The following GSPT1 variants were observed in gnomAD, a reference collection of about 807,000 sequenced individuals.
GSPT1 encodes G1 to S phase transition 1, also known as eukaryotic peptide chain release factor GTP-binding subunit ERF3A.
In GSPT1, 20 loss-of-function variants were observed where a neutral mutation model predicts 72.5. That is an observed-to-expected ratio of 0.28 (90% CI 0.19 to 0.40). The LOEUF (loss-of-function observed/expected upper bound fraction) is 0.40, where lower values mean the gene tolerates loss of function less well. Ranked by LOEUF, GSPT1 falls within the 10% of genes least tolerant of loss-of-function variation. The probability of loss-of-function intolerance (pLI) is 1.00; values close to 1 mark genes in which losing one functional copy is unlikely to be tolerated. For missense variants in GSPT1, 580 were observed against 811.9 expected (o/e 0.71, Z 3.47); for synonymous variants, 334 against 293.5 (o/e 1.14, Z -1.41).
Position 11,878,684 on chromosome 16 carries a change from C to CA in GSPT1, c.1429-1105dup, listed in dbSNP as rs147933306. Among the ~76,000 whole-genome samples the CA allele has an allele frequency of 7.5e-3, 1,138 of 151,936 alleles. 11 individuals are homozygous for CA. Among genetic ancestry groups the CA allele is most frequent in the Non-Finnish European group, 9.1e-3 (622 of 67,980 alleles). ...TGCCAGTATTGCTCCTCAGTACTGC[C>CA]AGTGCTGGCTGTGGCAGCAAGGTGA... is the stretch of plus-strand genomic sequence containing the variant. On this transcript the variant is annotated intron_variant, in intron 11 of 14. Transcript: ENST00000434724.
chr16:11,892,343 T>TA (rs966211880), intron 5 of GSPT1, among the ~76,000 whole-genome samples: 19 of 148,698 alleles, frequency 1.3e-4, no homozygotes, highest in Middle Eastern at 3.6e-3. Context: ...ACCCTGTCTC[T>TA]AAAAAAAACA....
intron 6 of GSPT1, among the ~76,000 whole-genome samples, chr16:11,889,584 C>G (rs1207921107): frequency 6.6e-6 from 1 of 150,388 alleles, no homozygotes; most frequent in Non-Finnish European, 1.5e-5. Flanking sequence ...CTCGGCTCAC[C>G]GCAACCTCCG....
rs1441145436 is a variant in GSPT1, at chr16:11,871,134, G to A, written c.*1985C>T. ...TATTTTCCAGAAAAATAAAAGCCCAGAGATTTGCAGACATAATAAAATCTA... is the reference window on the plus strand; with the variant it reads ...TATTTTCCAGAAAAATAAAAGCCCAAAGATTTGCAGACATAATAAAATCTA... On this transcript the variant is annotated 3_prime_UTR_variant, in exon 15 of 15. Transcript: ENST00000434724. 6.6e-6 allele frequency: 1 copy of A among 152,062 alleles called. No individual in the cohort carries two copies. The highest frequency in any genetic ancestry group is 1.5e-5 in the Non-Finnish European group (1 of 68,014). The allele number at this position is 152,062 out of a possible 1,614,324, so 9.4% of individuals were successfully genotyped here.
chr16:11,910,355 C>G (rs936759509), intron 1 of GSPT1, among the ~76,000 whole-genome samples: 1 of 152,224 alleles, frequency 6.6e-6, no homozygotes, highest in African/African-American at 2.4e-5. Flanking sequence ...GTGACTTCCA[C>G]TAGAGTACAC....
At chr16:11,876,495 C>T (rs942766882) in intron 12 of GSPT1, among the ~76,000 whole-genome samples, 8 of 152,038 alleles carry the variant, frequency 5.3e-5, no homozygotes, top group African/African-American at 1.7e-4. Flanking sequence ...TTTGGGAGGC[C>T]GAGGCGGCAG....
chr16:11,880,077 G>C (rs1216322899), intron 11 of GSPT1: 3 of 152,226 alleles, frequency 2.0e-5, no homozygotes, highest in Admixed American at 2.0e-4. Flanking sequence ...CCTCATTTAA[G>C]TAGAATCATA....
intron 1 of GSPT1, among the ~76,000 whole-genome samples, chr16:11,909,132 G>C (rs1165295849): frequency 1.3e-5 from 2 of 151,862 alleles, no homozygotes; most frequent in Non-Finnish European, 2.9e-5. Flanking sequence ...TTACCTAGTG[G>C]GAATGTGGTT....
chr16:11,904,654 A>T (rs1240877660), intron 1 of GSPT1, among the ~76,000 whole-genome samples: 1 of 152,056 alleles, frequency 6.6e-6, no homozygotes, highest in South Asian at 2.1e-4. Flanking sequence ...CACAGACATC[A>T]TGGCAGGTAA....
At chr16:11,882,964 A>C in intron 11 of GSPT1, 51 bp downstream of exon 11, 1 of 1,230,144 alleles carries the variant, frequency 8.1e-7, no homozygotes, top group South Asian at 1.2e-5. Flanking sequence ...CTCTTAAAGA[A>C]AAAGAAAAAA....
chr16:11,901,791 C>CA lies in GSPT1; in HGVS notation c.353-3757dup, dbSNP rs554216223. 6.2e-3 allele frequency among the ~76,000 whole-genome samples: 891 copies of CA among 142,808 alleles called. 12 individuals are homozygous for CA. Among genetic ancestry groups the CA allele is most frequent in the African/African-American group, 0.021 (820 of 38,808 alleles). The allele number at this position is 142,808 out of a possible 152,430, so 93.7% of individuals were successfully genotyped here. On this transcript the variant is annotated intron_variant, in intron 1 of 14. Transcript: ENST00000434724. Reference sequence around the variant, plus strand: ...TGGGTGAAAGAGTGAGACCCTGTCTCAAAAAAAAAAGAGGAAAAACTAGGC... The same window carrying CA: ...TGGGTGAAAGAGTGAGACCCTGTCTCAAAAAAAAAAAGAGGAAAAACTAGGC...
intron 14 of GSPT1, among the ~76,000 whole-genome samples, chr16:11,874,998 T>C (rs1044905071): frequency 2.6e-5 from 4 of 152,318 alleles, no homozygotes; most frequent in African/African-American, 9.6e-5. Flanking sequence ...AAGACCATCC[T>C]GGCTAACGTG....
In GSPT1 at chr16:11,915,673, CCCGCCGCCGCCGCCGCCGCCG is replaced by C. The variant is rs3031121; in HGVS notation, c.27_47del (p.Gly10_Gly16del). The C allele has an allele frequency of 4.1e-6, 6 of 1,471,896 alleles. No individual in the cohort carries two copies. The highest frequency in any genetic ancestry group is 4.8e-5 in the Admixed American group (2 of 41,682). The allele number at this position is 1,471,896 out of a possible 1,614,324, so 91.2% of individuals were successfully genotyped here. On this transcript the variant is annotated inframe_deletion, in exon 1 of 15. Coordinates refer to ENST00000434724, the MANE Select transcript of GSPT1 (RefSeq NM_002094.4). ...CGCTGCTGCTGCTGCCGCTGCTGCT[CCCGCCGCCGCCGCCGCCGCCG>C]CCGCCGCCGCCACTGCCCGGATCCA...
At chr16:11,889,330 T>TTC (rs1491490868) in intron 6 of GSPT1, among the ~76,000 whole-genome samples, 17 of 51,260 alleles carry the variant, frequency 3.3e-4, no homozygotes, top group African/African-American at 4.4e-4. Context: ...CCTCTTCTTC[T>TTC]TTTTTTTTTT....
At chr16:11,907,271 A>G (rs2054501415) in intron 1 of GSPT1, among the ~76,000 whole-genome samples, 2 of 152,204 alleles carry the variant, frequency 1.3e-5, no homozygotes, top group African/African-American at 4.8e-5. Context: ...AATCACAAGG[A>G]AAGCACTAGC....
intron 1 of GSPT1, among the ~76,000 whole-genome samples, chr16:11,908,000 G>T (rs1332240216): frequency 1.3e-5 from 2 of 152,204 alleles, no homozygotes; most frequent in Non-Finnish European, 2.9e-5. Flanking sequence ...CCAGCACTTT[G>T]GGAGGCTGAA....
At chr16:11,892,732 G>C (rs558616663) in intron 5 of GSPT1, among the ~76,000 whole-genome samples, 19 of 143,342 alleles carry the variant, frequency 1.3e-4, no homozygotes, top group African/African-American at 4.6e-4. Flanking sequence ...GGGAGGCTGA[G>C]GCAGGAGAAT....
In GSPT1 at chr16:11,915,511, G is replaced by A; in HGVS notation, c.210C>T (p.Asn70=). 6.5e-7 allele frequency: 1 copy of A among 1,540,508 alleles called. No individual in the cohort carries two copies. The highest frequency in any genetic ancestry group is 2.7e-5 in the East Asian group (1 of 37,264). ...NLSAAFSRQL[N]VNAKPFVPNV... is the part of the protein sequence containing the mutation. ...TGGGCACGAAGGGCTTGGCGTTGAC[G>A]TTGAGTTGCCGGCTGAAGGCCGCGC... The change falls in exon 1 of 15, where the codon AAC becomes AAT. Residue 70 remains asparagine (N), a synonymous_variant. Transcript: ENST00000434724.
At chr16:11,873,257 AAT>A (rs1269205515) in intron 14 of GSPT1, 86 bp from the exon 15 acceptor site, 4 of 666,206 alleles carry the variant, frequency 6.0e-6, no homozygotes, top group Non-Finnish European at 1.1e-5. Context: ...AAATCACAAA[AAT>A]ATTTTTTACA....
chr16:11,892,531 A>AAAAAAAAAAAAAT (rs1567443313), intron 5 of GSPT1, among the ~76,000 whole-genome samples: 2 of 139,862 alleles, frequency 1.4e-5, no homozygotes, highest in African/African-American at 5.7e-5. Flanking sequence ...AACAAAAAAA[A>AAAAAAAAAAAAAT]CAAAAAATAA....
Sources: allele counts gnomAD v4.1 joint callset (sites outside exome capture counted in the v4.1 genomes callset), GRCh38; gene constraint gnomAD v4.1.1; transcripts MANE v1.5; gene names NCBI Gene and HGNC (gene_info 2026-07-23, HGNC 2026-07-21).